The following TMEM178B variants were observed in gnomAD, a reference collection of about 807,000 sequenced individuals.
TMEM178B encodes transmembrane protein 178B.
TMEM178B carries 5 observed loss-of-function variants against 31.0 expected under a neutral mutation model. The observed-to-expected ratio is 0.16, with a 90% CI of 0.08 to 0.34. The LOEUF (loss-of-function observed/expected upper bound fraction) is 0.34. TMEM178B is among the 10% of genes least tolerant of loss of function. TMEM178B has a pLI of 1.00. For missense variants in TMEM178B, 275 were observed against 400.3 expected (o/e 0.69, Z 2.67); for synonymous variants, 164 against 164.0 (o/e 1.00, Z 0.00).
intron 2 of TMEM178B, among the ~76,000 whole-genome samples, chr7:141,368,620 T>A (rs1800053875): frequency 6.6e-6 from 1 of 152,244 alleles, no homozygotes; most frequent in South Asian, 2.1e-4. Flanking sequence ...GCTCAGTGTG[T>A]ACATTTCTTT....
intron 1 of TMEM178B, among the ~76,000 whole-genome samples, chr7:141,161,226 G>A (rs1796166758): frequency 6.6e-6 from 1 of 152,192 alleles, no homozygotes; most frequent in South Asian, 2.1e-4. Flanking sequence ...CACAGGACCT[G>A]TCTCGAAGAG....
At chr7:141,078,357 A>G (rs1255070859) in intron 1 of TMEM178B, among the ~76,000 whole-genome samples, 1 of 152,218 alleles carries the variant, frequency 6.6e-6, no homozygotes, top group African/African-American at 2.4e-5. Flanking sequence ...TTATTTGAAA[A>G]TTGGCCTTAT....
the TMEM178B span, among the ~76,000 whole-genome samples, chr7:141,498,792 T>C: frequency 6.6e-6 from 1 of 152,172 alleles, no homozygotes; most frequent in Non-Finnish European, 1.5e-5. Flanking sequence ...CCTCAAAAAG[T>C]TTATTTTCAA....
intron 2 of TMEM178B, among the ~76,000 whole-genome samples, chr7:141,316,985 G>A (rs1218564171): frequency 6.6e-6 from 1 of 152,326 alleles, no homozygotes; most frequent in Non-Finnish European, 1.5e-5. Context: ...CAGTTCCCCA[G>A]TTCTGGCTTT....
rs185798267 is a variant in TMEM178B at position 141,202,418 on chromosome 7, G to A, written c.383-10173G>A. ...AAATGAAATTCCATGTGTGTAATGA[G>A]GAGGGTCCCCTGAGCACCTCTCATA... is the stretch of plus-strand genomic sequence containing the variant. On this transcript the variant is annotated intron_variant, in intron 1 of 3. Coordinates refer to ENST00000565468, the MANE Select transcript of TMEM178B (RefSeq NM_001195278.2). 3.3e-5 allele frequency among the ~76,000 whole-genome samples: 5 copies of A among 152,242 alleles called. No individual in the cohort carries two copies. In the East Asian group the frequency reaches 9.7e-4, roughly 29 times the overall value.
intron 2 of TMEM178B, among the ~76,000 whole-genome samples, chr7:141,379,317 A>AAG (rs1554481661): frequency 5.7e-4 from 87 of 151,376 alleles, no homozygotes; most frequent in African/African-American, 1.1e-3. Flanking sequence ...AAAAAAAAAA[A>AAG]AAATTAAAAT....
At chr7:141,203,268 T>TTC (rs1796907998) in intron 1 of TMEM178B, among the ~76,000 whole-genome samples, 1 of 152,212 alleles carries the variant, frequency 6.6e-6, no homozygotes, top group Admixed American at 6.5e-5. Flanking sequence ...TACTTTTGAT[T>TTC]TAATCTTCCA....
At chr7:141,283,739 A>T (rs183491936) in intron 2 of TMEM178B, among the ~76,000 whole-genome samples, 48 of 152,286 alleles carry the variant, frequency 3.2e-4, no homozygotes, top group African/African-American at 1.0e-3. Context: ...GGACCGCATG[A>T]CAGTTGGTTA....
At chr7:141,134,955 C>G in intron 1 of TMEM178B, among the ~76,000 whole-genome samples, 1 of 152,088 alleles carries the variant, frequency 6.6e-6, no homozygotes, top group East Asian at 1.9e-4. Context: ...GTAGGTCTTT[C>G]CCATGCTGTT....
At chr7:141,386,759 G>T (rs1286625481) in intron 2 of TMEM178B, among the ~76,000 whole-genome samples, 1 of 152,130 alleles carries the variant, frequency 6.6e-6, no homozygotes, top group Non-Finnish European at 1.5e-5. Flanking sequence ...ACGCAGTGGA[G>T]ATCAACTCTG....
At chr7:141,270,243 C>T (rs1026750545) in intron 2 of TMEM178B, among the ~76,000 whole-genome samples, 1 of 152,104 alleles carries the variant, frequency 6.6e-6, no homozygotes, top group African/African-American at 2.4e-5. Flanking sequence ...CTGGTTCAAG[C>T]CCAGACACTC....
chr7:141,099,922 C>G (rs762462063), intron 1 of TMEM178B, among the ~76,000 whole-genome samples: 2 of 151,826 alleles, frequency 1.3e-5, no homozygotes, highest in Admixed American at 6.6e-5. Context: ...CTCCGCATCC[C>G]GGGTTCACGC....
chr7:141,356,074 A>G (rs1040510520), intron 2 of TMEM178B, among the ~76,000 whole-genome samples: 3 of 152,222 alleles, frequency 2.0e-5, no homozygotes, highest in African/African-American at 7.2e-5. Context: ...GTAGTATTCT[A>G]TGGTGTATAT....
At chr7:141,439,552 TG>T (rs1220821052) in intron 3 of TMEM178B, among the ~76,000 whole-genome samples, 5 of 152,228 alleles carry the variant, frequency 3.3e-5, no homozygotes, top group Non-Finnish European at 7.3e-5. Flanking sequence ...GTTTTCCTTT[TG>T]CAATCCAAAT....
chr7:141,154,426 G>A (rs1586798986), intron 1 of TMEM178B, among the ~76,000 whole-genome samples: 1 of 152,218 alleles, frequency 6.6e-6, no homozygotes, highest in Admixed American at 6.5e-5. Context: ...AGACTGGTTG[G>A]TGTCTTTGTG....
chr7:141,295,995 G>A lies in TMEM178B; in HGVS notation c.496+83291G>A, dbSNP rs550078551. ...CAGCGCACACATGTCTCTTCTAGTC[G>A]AGGTTTCCAAAGATGCAGAAAAAAA... On this transcript the variant is annotated intron_variant, in intron 2 of 3. Transcript: ENST00000565468. Among the ~76,000 whole-genome samples the A allele has an allele frequency of 5.6e-4, 85 of 152,182 alleles. 2 individuals are homozygous for A. In the South Asian group the frequency reaches 0.016, roughly 29 times the overall value.
At chr7:141,325,177 A>T (rs1190463395) in intron 2 of TMEM178B, among the ~76,000 whole-genome samples, 1 of 152,188 alleles carries the variant, frequency 6.6e-6, no homozygotes, top group East Asian at 1.9e-4. Flanking sequence ...TACACTTAGC[A>T]ATTAATGGCA....
intron 2 of TMEM178B, among the ~76,000 whole-genome samples, chr7:141,331,409 G>A (rs996531142): frequency 2.0e-5 from 3 of 152,304 alleles, no homozygotes; most frequent in African/African-American, 7.2e-5. Context: ...CTTAGAAGCT[G>A]TGTGGATAAA....
chr7:141,483,892 C>G (rs553132986), downstream of TMEM178B, among the ~76,000 whole-genome samples: 6 of 152,222 alleles, frequency 3.9e-5, no homozygotes, highest in Non-Finnish European at 2.9e-5. Flanking sequence ...CCCACCATCA[C>G]GCCTGGCTAA....
Sources: allele counts gnomAD v4.1 joint callset (sites outside exome capture counted in the v4.1 genomes callset), GRCh38; gene constraint gnomAD v4.1.1; transcripts MANE v1.5; gene names NCBI Gene and HGNC (gene_info 2026-07-23, HGNC 2026-07-21).